R3HCC1L: variants seen among roughly 807,000 people sequenced by gnomAD.
R3HCC1L encodes the protein R3H domain and coiled-coil containing 1 like.
A neutral mutation model predicts 59.9 loss-of-function variants in R3HCC1L; 51 were observed. The ratio of observed to expected loss-of-function variants is 0.85; its 90% CI spans 0.68 to 1.07. The LOEUF (loss-of-function observed/expected upper bound fraction) is 1.07. Ranked by LOEUF, R3HCC1L falls within the 50% of genes least tolerant of loss-of-function variation. R3HCC1L has a pLI of 0.00. For synonymous variants in R3HCC1L, 322 were observed against 315.2 expected (o/e 1.02, Z -0.23); for missense variants, 965 against 933.0 (o/e 1.03, Z -0.45).
chr10:98,169,965 A>G (rs546367383), intron 4 of R3HCC1L, among the ~76,000 whole-genome samples: 37 of 150,124 alleles, frequency 2.5e-4, no homozygotes, highest in African/African-American at 9.1e-4. Context: ...GAATAGTCAC[A>G]GTAGAAGTCT....
intron 1 of R3HCC1L, among the ~76,000 whole-genome samples, chr10:98,155,283 T>A (rs1846732290): frequency 6.6e-6 from 1 of 152,216 alleles, no homozygotes; most frequent in African/African-American, 2.4e-5. Flanking sequence ...AATTTGTAAG[T>A]AAGGTCAGAC....
chr10:98,147,107 G>T (rs1452658678), intron 1 of R3HCC1L, among the ~76,000 whole-genome samples: 1 of 152,044 alleles, frequency 6.6e-6, no homozygotes, highest in Non-Finnish European at 1.5e-5. Context: ...CATTTTAACT[G>T]GCGTGAGATT....
At chr10:98,177,628 C>A (rs1849174349) in intron 4 of R3HCC1L, among the ~76,000 whole-genome samples, 1 of 152,192 alleles carries the variant, frequency 6.6e-6, no homozygotes, top group Non-Finnish European at 1.5e-5. Context: ...AATGGTAGAA[C>A]TAGTTTACGC....
chr10:98,179,274 G>C (rs544583727), intron 4 of R3HCC1L, among the ~76,000 whole-genome samples: 3 of 152,304 alleles, frequency 2.0e-5, no homozygotes, highest in Non-Finnish European at 2.9e-5. Flanking sequence ...TAGCATGAAA[G>C]GTTGTTGAAT....
chr10:98,195,022 T>G (rs975349315), intron 4 of R3HCC1L, among the ~76,000 whole-genome samples: 12 of 152,160 alleles, frequency 7.9e-5, no homozygotes, highest in African/African-American at 1.2e-4. Context: ...ACTCCCATGT[T>G]CAGTGCAGCA....
chr10:98,179,126 T>C (rs188683058), intron 4 of R3HCC1L, among the ~76,000 whole-genome samples: 232 of 152,358 alleles, frequency 1.5e-3, no homozygotes, highest in African/African-American at 5.3e-3. Flanking sequence ...AGAGAGGGCA[T>C]CCCTGTCTTG....
intron 5 of R3HCC1L, among the ~76,000 whole-genome samples, chr10:98,225,678 T>C (rs1855593452): frequency 6.6e-6 from 1 of 152,216 alleles, no homozygotes. Flanking sequence ...ATTATGTTTT[T>C]TGCTATTATT....
chr10:98,211,460 AAAT>A (rs1853564716), intron 5 of R3HCC1L: 5 of 1,307,544 alleles, frequency 3.8e-6, no homozygotes, highest in African/African-American at 1.5e-5. Flanking sequence ...TCAGGTTAAG[AAAT>A]AATAATAAGG....
chr10:98,166,256 T>C (rs1847932338), intron 4 of R3HCC1L, among the ~76,000 whole-genome samples: 1 of 152,106 alleles, frequency 6.6e-6, no homozygotes, highest in Non-Finnish European at 1.5e-5. Flanking sequence ...GAAATCAACC[T>C]ACTGCAACCT....
At chr10:98,189,427 G>A (rs1850597537) in intron 4 of R3HCC1L, among the ~76,000 whole-genome samples, 1 of 152,134 alleles carries the variant, frequency 6.6e-6, no homozygotes, top group Admixed American at 6.6e-5. Flanking sequence ...TTTCTTGCAT[G>A]CCTTTTAGTA....
intron 5 of R3HCC1L, among the ~76,000 whole-genome samples, chr10:98,222,003 A>G (rs1377796370): frequency 2.0e-5 from 3 of 152,114 alleles, no homozygotes; most frequent in Non-Finnish European, 4.4e-5. Flanking sequence ...GATTCTTCCT[A>G]CCCATGAGCA....
intron 1 of R3HCC1L, among the ~76,000 whole-genome samples, chr10:98,148,318 C>T (rs754397458): frequency 1.3e-5 from 2 of 152,012 alleles, no homozygotes; most frequent in African/African-American, 2.4e-5. Flanking sequence ...GTATATAAAT[C>T]GTTTTGTCTG....
At chr10:98,194,043 A>G (rs555216071) in intron 4 of R3HCC1L, among the ~76,000 whole-genome samples, 4 of 152,290 alleles carry the variant, frequency 2.6e-5, no homozygotes, top group Non-Finnish European at 1.5e-5. Flanking sequence ...TTGAGAAAGA[A>G]GAACAAAGCT....
chr10:98,172,451 A>T (rs1456383821), intron 4 of R3HCC1L, among the ~76,000 whole-genome samples: 1 of 152,210 alleles, frequency 6.6e-6, no homozygotes, highest in Non-Finnish European at 1.5e-5. Flanking sequence ...CACTGCAAGT[A>T]ACTTAACTTG....
At chr10:98,152,601 C>G (rs1453974944) in intron 1 of R3HCC1L, among the ~76,000 whole-genome samples, 2 of 128,670 alleles carry the variant, frequency 1.6e-5, no homozygotes, top group African/African-American at 5.1e-5. Context: ...CTCTGCCCAG[C>G]CGCCCATAGT....
chr10:98,182,996 G>T (rs1849804851), intron 4 of R3HCC1L, among the ~76,000 whole-genome samples: 1 of 152,160 alleles, frequency 6.6e-6, no homozygotes. Flanking sequence ...TGCGCTTCCT[G>T]GGTAAGGTGA....
intron 6 of R3HCC1L, among the ~76,000 whole-genome samples, chr10:98,232,232 C>T (rs867570765): frequency 7.9e-5 from 12 of 152,248 alleles, no homozygotes; most frequent in South Asian, 4.1e-4. Flanking sequence ...TTAAGCCATC[C>T]GCCTACTTCA....
At chr10:98,185,067 T>G (rs1461276669) in intron 4 of R3HCC1L, among the ~76,000 whole-genome samples, 1 of 152,204 alleles carries the variant, frequency 6.6e-6, no homozygotes, top group Admixed American at 6.5e-5. Flanking sequence ...ATGGTGAAAA[T>G]GACTTTCTAA....
chr10:98,193,170 A>T (rs1451561946), intron 4 of R3HCC1L, among the ~76,000 whole-genome samples: 2 of 152,122 alleles, frequency 1.3e-5, no homozygotes, highest in Non-Finnish European at 2.9e-5. Flanking sequence ...CAGCTAACAT[A>T]ATCATTAGTG....
Sources: allele counts gnomAD v4.1 joint callset (sites outside exome capture counted in the v4.1 genomes callset), GRCh38; gene constraint gnomAD v4.1.1; transcripts MANE v1.5; gene names NCBI Gene and HGNC (gene_info 2026-07-23, HGNC 2026-07-21).